TENM4: variants seen among roughly 807,000 people sequenced by gnomAD.
TENM4 encodes the protein teneurin transmembrane protein 4.
TENM4 carries 82 observed loss-of-function variants against 243.3 expected under a neutral mutation model. The observed-to-expected ratio is 0.34, with a 90% CI of 0.28 to 0.40. TENM4 has a LOEUF of 0.40. TENM4 is among the 10% of genes least tolerant of loss of function. The pLI is 1.00. For missense variants in TENM4, 3,138 were observed against 3,673.3 expected, an observed-to-expected ratio of 0.85 and a Z score of 3.77; for synonymous variants, 1,412 against 1,456.3, an observed-to-expected ratio of 0.97 and a Z score of 0.69.
Position 78,732,557 on chromosome 11 carries a change from C to T in TENM4, c.2897G>A (p.Gly966Asp). Residue 966 changes from glycine to aspartate, a missense_variant, in exon 21 of 34, where the codon GGC becomes GAC. Transcript: ENST00000278550. ...GAACCGCAGGATGATGGAGATGCCG[C>T]CATTTGTCACCAAGTCAAAGCTGTT... ...QDGSFDLVTN[G>D]GISIILRFER... The T allele has an allele frequency of 6.2e-7, 1 of 1,603,990 alleles. No homozygotes were observed. Among genetic ancestry groups the T allele is most frequent in the Non-Finnish European group, 8.5e-7 (1 of 1,172,610 alleles).
At chr11:78,738,642 G>C in intron 19 of TENM4, 72 bp from the exon 20 acceptor site, 3 of 1,520,666 alleles carry the variant, frequency 2.0e-6, no homozygotes, top group Middle Eastern at 1.7e-4. Flanking sequence ...AGGGAACCCC[G>C]AGAGGCCAGA....
intron 6 of TENM4, among the ~76,000 whole-genome samples, chr11:78,976,510 A>T (rs1411686055): frequency 6.6e-6 from 1 of 152,254 alleles, no homozygotes; most frequent in East Asian, 1.9e-4. Flanking sequence ...CCCTGATTCG[A>T]AACAGCTTTC....
chr11:78,866,037 C>T (rs573913917), intron 9 of TENM4, among the ~76,000 whole-genome samples: 1 of 152,292 alleles, frequency 6.6e-6, no homozygotes, highest in Admixed American at 6.5e-5. Context: ...TATTGAGCAC[C>T]TTTTTTGGTA....
At chr11:78,922,796 G>A (rs1257780833) in intron 6 of TENM4, among the ~76,000 whole-genome samples, 2 of 152,120 alleles carry the variant, frequency 1.3e-5, no homozygotes, top group African/African-American at 4.8e-5. Context: ...AGAGGCATTC[G>A]GGAGGTTAGG....
At chr11:78,672,959 C>G (rs1367796972) in intron 30 of TENM4, among the ~76,000 whole-genome samples, 1 of 152,014 alleles carries the variant, frequency 6.6e-6, no homozygotes, top group East Asian at 1.9e-4. Flanking sequence ...TCTTGATTGC[C>G]ACAGTCAGTA....
chr11:78,889,982 A>C lies in TENM4; in HGVS notation c.887T>G (p.Phe296Cys). Residue 296 changes from phenylalanine to cysteine, a missense_variant, in exon 9 of 34, where the codon TTC (phenylalanine) becomes TGC (cysteine). By Grantham distance (205) the Phe-to-Cys change is radical. Around this residue, in one of 2 missense-constraint regions of TENM4, gnomAD observed 671 missense variants for 614.1 expected, o/e 1.09. Coordinates refer to ENST00000278550, the MANE Select transcript of TENM4 (RefSeq NM_001098816.3). ...TGGGTACCCTGGTGATGTGGTGCAG[A>C]AGAGCGGGGAGGTGCCTCCAGGCTT... The part of the protein sequence containing the change: ...LFKPGGTSPL[F>C]CTTSPGYPLT... 6.5e-7 allele frequency: 1 copy of C among 1,549,090 alleles called. No homozygotes were observed. The highest frequency in any genetic ancestry group is 8.7e-7 in the Non-Finnish European group (1 of 1,145,100).
At chr11:78,916,839 A>G (rs970444711) in intron 6 of TENM4, among the ~76,000 whole-genome samples, 1 of 152,208 alleles carries the variant, frequency 6.6e-6, no homozygotes, top group Non-Finnish European at 1.5e-5. Flanking sequence ...TCTTGATTTA[A>G]AAAGCAAACA....
chr11:78,980,527 G>C lies in TENM4; in HGVS notation c.494-77004C>G, dbSNP rs372125225. On this transcript the variant is annotated intron_variant, in intron 6 of 33. Coordinates refer to ENST00000278550, the MANE Select transcript of TENM4 (RefSeq NM_001098816.3). ...GGAAGTTGAGGCCTGGAAGGTGACA[G>C]AATGAGCCCAAGGTCCTATAGGAAG... is the stretch of plus-strand genomic sequence containing the variant. Among the ~76,000 whole-genome samples the C allele has an allele frequency of 3.1e-4, 47 of 152,340 alleles. No individual in the cohort carries two copies. In the South Asian group the frequency reaches 9.8e-3, roughly 32 times the overall value.
chr11:78,936,551 G>C (rs1856788433), intron 6 of TENM4, among the ~76,000 whole-genome samples: 1 of 152,216 alleles, frequency 6.6e-6, no homozygotes, highest in African/African-American at 2.4e-5. Flanking sequence ...CCATCAGAAA[G>C]AGTATTTACC....
At chr11:79,101,378 C>G (rs1280145624) in intron 4 of TENM4, among the ~76,000 whole-genome samples, 1 of 152,196 alleles carries the variant, frequency 6.6e-6, no homozygotes, top group African/African-American at 2.4e-5. Context: ...AGGTGGAAGT[C>G]TGAGTTATTC....
intron 2 of TENM4, among the ~76,000 whole-genome samples, chr11:79,297,143 G>T (rs1216231544): frequency 2.6e-5 from 4 of 152,178 alleles, no homozygotes; most frequent in Non-Finnish European, 4.4e-5. Flanking sequence ...TGGGTCTATT[G>T]AAGGGAGAGT....
chr11:78,988,898 C>T (rs1193674620), intron 6 of TENM4, among the ~76,000 whole-genome samples: 1 of 152,152 alleles, frequency 6.6e-6, no homozygotes. Flanking sequence ...GCTGGTCTCA[C>T]ACTCCTGAGC....
At chr11:79,225,387 CTTCTTGGA>C (rs1300635215) in intron 2 of TENM4, among the ~76,000 whole-genome samples, 1 of 152,150 alleles carries the variant, frequency 6.6e-6, no homozygotes, top group Non-Finnish European at 1.5e-5. Context: ...GGTTCATCTG[CTTCTTGGA>C]TTCTTGAGAT....
chr11:78,805,277 T>TGCCCCCCCACCCCCCCC lies in TENM4; in HGVS notation c.2179+14_2179+15insGGGGGGGGTGGGGGGGC. On this transcript the variant is annotated intron_variant, in intron 15 of 33. Transcript: ENST00000278550. ...CCCCTCCCTCTACCCATGCTTCTTC[T>TGCCCCCCCACCCCCCCC]CCCCCTGCATTTACCGATAGAACAG... The TGCCCCCCCACCCCCCCC allele has an allele frequency of 7.1e-7, 1 of 1,402,550 alleles. No homozygotes were observed. Among genetic ancestry groups the TGCCCCCCCACCCCCCCC allele is most frequent in the African/African-American group, 1.5e-5 (1 of 68,156 alleles). The allele number at this position is 1,402,550 out of a possible 1,614,324, so 86.9% of individuals were successfully genotyped here.
chr11:79,185,754 GA>G (rs1348655505), intron 3 of TENM4, among the ~76,000 whole-genome samples: 1 of 152,138 alleles, frequency 6.6e-6, no homozygotes. Context: ...GCAGTCCTTA[GA>G]AAAAGTACAT....
intron 1 of TENM4, among the ~76,000 whole-genome samples, chr11:79,431,324 G>A (rs768405889): frequency 2.3e-4 from 35 of 152,062 alleles, no homozygotes; most frequent in Non-Finnish European, 4.3e-4. Context: ...ATAATATTCC[G>A]CTGCTAGGCT....
rs1431861927 is a variant in TENM4, at chr11:78,758,002, T to C, written c.2540-981A>G. 2.6e-5 allele frequency among the ~76,000 whole-genome samples: 4 copies of C among 152,358 alleles called. No homozygotes were observed. The South Asian group carries it at 6.2e-4, about 24-fold the overall frequency. On this transcript the variant is annotated intron_variant, in intron 18 of 33. Transcript: ENST00000278550. ...ACCAGATCACAGATTTTTGGCCTCA[T>C]TATATCAAAGTACTTTTACAGGCAC... is the stretch of plus-strand genomic sequence containing the variant.
chr11:79,048,644 G>A (rs1211586172), intron 6 of TENM4, among the ~76,000 whole-genome samples: 1 of 152,136 alleles, frequency 6.6e-6, no homozygotes, highest in Non-Finnish European at 1.5e-5. Context: ...TGGCCAGATT[G>A]TATTAACAGA....
chr11:79,284,959 C>A (rs967143246), intron 2 of TENM4, among the ~76,000 whole-genome samples: 9 of 152,016 alleles, frequency 5.9e-5, no homozygotes, highest in Non-Finnish European at 1.3e-4. Context: ...GAATATTGGC[C>A]AGGCACGGTG....
Sources: gnomAD v4.1 joint callset for allele counts (sites outside exome capture counted in the v4.1 genomes callset) on GRCh38, gnomAD v4.1.1 for gene constraint, gnomAD v4.1.1 regional missense constraint, MANE v1.5 for transcripts, NCBI Gene and HGNC (gene_info 2026-07-23, HGNC 2026-07-21) for gene names.